The following NECTIN1 variants were observed in gnomAD, a reference collection of about 807,000 sequenced individuals.
NECTIN1 encodes the protein nectin cell adhesion molecule 1.
Under a neutral mutation model 48.0 loss-of-function variants are expected in NECTIN1, and 23 were observed. The observed-to-expected ratio is 0.48, with a 90% CI of 0.34 to 0.68. The LOEUF is 0.68. Among genes scored for constraint, NECTIN1 ranks in the 30% least tolerant of loss-of-function variants. The probability of loss-of-function intolerance (pLI) is 0.01; values close to 1 mark genes in which losing one functional copy is unlikely to be tolerated. For synonymous variants in NECTIN1, 270 were observed against 288.9 expected (o/e 0.93, Z 0.66); for missense variants, 591 against 709.9 (o/e 0.83, Z 1.90).
intron 5 of NECTIN1, among the ~76,000 whole-genome samples, chr11:119,649,722 G>GA (rs1312675039): frequency 6.6e-6 from 1 of 152,126 alleles, no homozygotes; most frequent in African/African-American, 2.4e-5. Context: ...AGGAAAATAA[G>GA]AAAAACAGGA....
intron 1 of NECTIN1, among the ~76,000 whole-genome samples, chr11:119,692,411 A>ATGTGTGTGTGTGTG (rs60998928): frequency 3.3e-4 from 47 of 142,520 alleles, no homozygotes; most frequent in African/African-American, 9.5e-4. Flanking sequence ...TGTGGCAGTG[A>ATGTGTGTGTGTGTG]TGTGTGTGTG....
At chr11:119,682,938 C>T (rs80190125) in intron 1 of NECTIN1, among the ~76,000 whole-genome samples, 7,260 of 152,220 alleles carry the variant, frequency 0.048, 401 homozygotes, top group African/African-American at 0.13. Flanking sequence ...CTATTAATAC[C>T]CCAATAACAT....
In NECTIN1 at chr11:119,677,955, G is replaced by T; in HGVS notation, c.431-98C>A. The T allele has an allele frequency of 7.9e-7, 1 of 1,270,200 alleles. No individual in the cohort carries two copies. The highest frequency in any genetic ancestry group is 1.1e-6 in the Non-Finnish European group (1 of 891,254). 78.7% of individuals were successfully genotyped at this position (1,270,200 alleles called of 1,614,324 possible). On this transcript the variant is annotated intron_variant, in intron 2 of 5. Coordinates refer to ENST00000264025, the MANE Select transcript of NECTIN1 (RefSeq NM_002855.5). This position sits in a 1 kb window ranked among gnomAD's most constrained non-coding sequence, Gnocchi z 5.4. ...GGCATCCGTCAGGCCTTGTCTTCAG[G>T]TCCCCTTGGCCATCCCTGCCTCTCA...
chr11:119,655,646 C>T (rs1252147088), intron 5 of NECTIN1, among the ~76,000 whole-genome samples: 1 of 152,214 alleles, frequency 6.6e-6, no homozygotes, highest in African/African-American at 2.4e-5. Flanking sequence ...GAGTAGCCAT[C>T]TTCCAATATT....
At chr11:119,701,839 A>G (rs1394008059) in intron 1 of NECTIN1, among the ~76,000 whole-genome samples, 1 of 152,282 alleles carries the variant, frequency 6.6e-6, no homozygotes, top group Admixed American at 6.5e-5. Flanking sequence ...GGGCAGCCCA[A>G]ATCCACCTGC....
chr11:119,699,361 C>G (rs1865398583), intron 1 of NECTIN1, among the ~76,000 whole-genome samples: 1 of 10,500 alleles, frequency 9.5e-5, no homozygotes, highest in African/African-American at 4.7e-4. Context: ...CTCTGGGACT[C>G]TTTCCCACGG....
At chr11:119,657,628 A>AAAT (rs1239794723), downstream of NECTIN1, among the ~76,000 whole-genome samples, 1 of 150,220 alleles carries the variant, frequency 6.7e-6, no homozygotes, top group African/African-American at 2.5e-5. Flanking sequence ...AAAAAAAAAA[A>AAAT]AAAAGCCTGT....
At position 119,673,926 on chromosome 11, in the gene NECTIN1, G is replaced by A. The variant is rs899952491; in HGVS notation, c.1003+1233C>T. ...TCCTATGACTAGTCTCGGGGCCAAG[G>A]CCAGGGATTGCAGACAACAGCAGGT... On this transcript the variant is annotated intron_variant, in intron 5 of 5. Coordinates refer to ENST00000264025, the MANE Select transcript of NECTIN1 (RefSeq NM_002855.5). The surrounding 1 kb of genome is among the most constrained non-coding windows in gnomAD (Gnocchi z 5.8). Among the ~76,000 whole-genome samples, 1 of 152,204 alleles carries A rather than the reference G, an allele frequency of 6.6e-6. No individual in the cohort carries two copies. Among genetic ancestry groups the A allele is most frequent in the Admixed American group, 6.5e-5 (1 of 15,286 alleles).
intron 1 of NECTIN1, among the ~76,000 whole-genome samples, chr11:119,680,395 AC>A (rs1441853148): frequency 6.6e-6 from 1 of 152,200 alleles, no homozygotes; most frequent in African/African-American, 2.4e-5. Context: ...CAGGACCTGT[AC>A]TGACCCAAGG....
At chr11:119,668,519 C>T (rs1234693861) in intron 5 of NECTIN1, among the ~76,000 whole-genome samples, 1 of 152,236 alleles carries the variant, frequency 6.6e-6, no homozygotes, top group African/African-American at 2.4e-5. Flanking sequence ...TGATTCCTTA[C>T]TGCAAGCCTT....
At chr11:119,660,797 C>T (rs1470143768), downstream of NECTIN1, among the ~76,000 whole-genome samples, 1 of 152,164 alleles carries the variant, frequency 6.6e-6, no homozygotes, top group Non-Finnish European at 1.5e-5. Context: ...ATGGTCTTCT[C>T]ACTTGCATGG....
rs370017613 is a variant in NECTIN1 at position 119,663,563 on chromosome 11, C to A, written c.*1184G>T. Reference sequence around the variant, plus strand: ...TGAGGCATTGTATGGACTCCTCAGTCCCTCGGACTGTGTTTGCAGAGCTTC... The same window carrying A: ...TGAGGCATTGTATGGACTCCTCAGTACCTCGGACTGTGTTTGCAGAGCTTC... On this transcript the variant is annotated 3_prime_UTR_variant, in exon 6 of 6. Transcript: ENST00000264025. 1.4e-4 allele frequency: 139 copies of A among 985,422 alleles called. No individual in the cohort carries two copies. Among genetic ancestry groups the A allele is most frequent in the Middle Eastern group, 5.2e-4 (1 of 1,938 alleles). 61.0% of individuals were successfully genotyped at this position (985,422 alleles called of 1,614,324 possible).
intron 1 of NECTIN1, among the ~76,000 whole-genome samples, chr11:119,725,395 G>C (rs886374598): frequency 6.6e-6 from 1 of 152,158 alleles, no homozygotes; most frequent in Admixed American, 6.5e-5. Flanking sequence ...GATGCCTTCC[G>C]GGCCACTCAG....
At chr11:119,639,950 C>T (rs766944808) in exon 6 of NECTIN1, 17 of 1,614,020 alleles carry the variant, frequency 1.1e-5, no homozygotes, top group Middle Eastern at 1.6e-4. Flanking sequence ...ATGAGGAACA[C>T]GGCCACGGTG....
At chr11:119,674,550 A>G in intron 5 of NECTIN1, 1 of 1,614,168 alleles carries the variant, frequency 6.2e-7, no homozygotes. Flanking sequence ...GCTGTCTGAC[A>G]TCAAGCCCAT....
At chr11:119,640,227 C>G (rs4938699) in intron 5 of NECTIN1, 544,643 of 598,806 alleles carry the variant, frequency 0.91, 249,362 homozygotes, top group South Asian at 0.98. Context: ...TGTAACCCCA[C>G]ACCCTGCTCT....
chr11:119,651,335 C>A (rs1864486787), intron 5 of NECTIN1, among the ~76,000 whole-genome samples: 1 of 152,048 alleles, frequency 6.6e-6, no homozygotes, highest in African/African-American at 2.4e-5. Flanking sequence ...ATGTGAGAGA[C>A]CTATGGTTTT....
In NECTIN1 at chr11:119,672,020, C is replaced by A. The variant is rs891612818; in HGVS notation, c.1003+3139G>T. Among the ~76,000 whole-genome samples the A allele has an allele frequency of 6.6e-6, 1 of 152,266 alleles. No individual in the cohort carries two copies. The highest frequency in any genetic ancestry group is 6.5e-5 in the Admixed American group (1 of 15,288). ...TACCATGGCTGGGCATGCACACTTG[C>A]AGGCTCACACCTGCCTCCCTTCCAG... On this transcript the variant is annotated intron_variant, in intron 5 of 5. Coordinates refer to ENST00000264025, the MANE Select transcript of NECTIN1 (RefSeq NM_002855.5). This position sits in a 1 kb window ranked among gnomAD's most constrained non-coding sequence, Gnocchi z 4.3.
At chr11:119,682,268 G>A (rs1426423357) in intron 1 of NECTIN1, among the ~76,000 whole-genome samples, 2 of 152,134 alleles carry the variant, frequency 1.3e-5, no homozygotes, top group African/African-American at 4.8e-5. Context: ...AAGAAAGAAA[G>A]AGCTGGATGG....
Sources: gnomAD v4.1 joint callset for allele counts (sites outside exome capture counted in the v4.1 genomes callset) on GRCh38, gnomAD v4.1.1 for gene constraint, Gnocchi (gnomAD v3.1) non-coding constraint, MANE v1.5 for transcripts, NCBI Gene and HGNC (gene_info 2026-07-23, HGNC 2026-07-21) for gene names.